The following NEK10 variants were observed in gnomAD, a reference collection of about 807,000 sequenced individuals.
NEK10 encodes NIMA related kinase 10, also known as serine/threonine-protein kinase Nek10.
In NEK10, 122 loss-of-function variants were observed where a neutral mutation model predicts 159.8. The observed-to-expected ratio is 0.76, with a 90% CI of 0.66 to 0.89. NEK10 has a LOEUF of 0.89. NEK10 is among the 40% of genes least tolerant of loss of function. The pLI is 0.00. For synonymous variants in NEK10, 466 were observed against 457.1 expected, an observed-to-expected ratio of 1.02 and a Z score of -0.25; for missense variants, 1,342 against 1,323.1, an observed-to-expected ratio of 1.01 and a Z score of -0.22.
intron 23 of NEK10, among the ~76,000 whole-genome samples, chr3:27,204,301 G>GTTTTTT (rs567092116): frequency 5.9e-4 from 39 of 66,296 alleles, no homozygotes; most frequent in East Asian, 1.8e-3. Flanking sequence ...TTTTGTTGTT[G>GTTTTTT]TTTTTTTTTT....
chr3:27,349,007 CT>C (rs1253489716), intron 3 of NEK10, among the ~76,000 whole-genome samples: 1 of 152,098 alleles, frequency 6.6e-6, no homozygotes, highest in African/African-American at 2.4e-5. Context: ...GCTTGAGACA[CT>C]GTATATATAC....
chr3:27,245,651 T>C (rs2149276231), intron 23 of NEK10, among the ~76,000 whole-genome samples: 1 of 152,314 alleles, frequency 6.6e-6, no homozygotes, highest in African/African-American at 2.4e-5. Context: ...AGCAAACCTA[T>C]ATAAACCATC....
chr3:27,367,165 G>A (rs144402632), intron 1 of NEK10, among the ~76,000 whole-genome samples: 117 of 152,194 alleles, frequency 7.7e-4, no homozygotes, highest in African/African-American at 2.7e-3. Context: ...CTATACCTTT[G>A]GTATGAATTA....
Position 27,109,446 on chromosome 3 carries a change from C to T in NEK10, c.*1826G>A, listed in dbSNP as rs892906234. On this transcript the variant is annotated 3_prime_UTR_variant, in exon 36 of 36. Coordinates refer to ENST00000691995, the MANE Select transcript of NEK10 (RefSeq NM_001394966.1). ...CTCACTTTCTGGTCAATAAGGCCAACTATATACACTTTAAAACATCTTCAA... is the reference window on the plus strand; with the variant it reads ...CTCACTTTCTGGTCAATAAGGCCAATTATATACACTTTAAAACATCTTCAA... Among the ~76,000 whole-genome samples, 1 of 149,442 alleles carries T rather than the reference C, an allele frequency of 6.7e-6. No homozygotes were observed. The highest frequency in any genetic ancestry group is 2.4e-5 in the African/African-American group (1 of 40,898).
intron 23 of NEK10, among the ~76,000 whole-genome samples, chr3:27,211,560 G>A (rs1453449433): frequency 1.3e-5 from 2 of 152,140 alleles, no homozygotes; most frequent in Non-Finnish European, 1.5e-5. Context: ...ATTAGGTCCA[G>A]TTTGGTAAAA....
chr3:27,261,318 A>T (rs1382381241), intron 22 of NEK10, among the ~76,000 whole-genome samples: 1 of 151,978 alleles, frequency 6.6e-6, no homozygotes, highest in African/African-American at 2.4e-5. Context: ...TGATGTTAGG[A>T]TGTCAATTTT....
chr3:27,276,183 A>C (rs144263217), intron 22 of NEK10, among the ~76,000 whole-genome samples: 1 of 152,132 alleles, frequency 6.6e-6, no homozygotes, highest in East Asian at 1.9e-4. Context: ...TAAAAATATT[A>C]AGTGCTATCA....
chr3:27,193,147 T>C (rs1041520337), intron 25 of NEK10, among the ~76,000 whole-genome samples: 4 of 152,240 alleles, frequency 2.6e-5, no homozygotes, highest in African/African-American at 9.6e-5. Context: ...CACACTTTTA[T>C]GTATCCTCCA....
chr3:27,219,653 C>T (rs1345962513), intron 23 of NEK10, among the ~76,000 whole-genome samples: 3 of 152,180 alleles, frequency 2.0e-5, no homozygotes, highest in Non-Finnish European at 4.4e-5. Flanking sequence ...CCTAACACTT[C>T]TTCAGATCAG....
intron 15 of NEK10, among the ~76,000 whole-genome samples, chr3:27,294,673 A>G (rs2043225435): frequency 1.3e-5 from 2 of 152,126 alleles, no homozygotes; most frequent in South Asian, 4.2e-4. Flanking sequence ...AGACACCCCG[A>G]AAGAGTCTGC....
At chr3:27,310,696 A>C (rs1290918341) in intron 9 of NEK10, 3 of 355,406 alleles carry the variant, frequency 8.4e-6, no homozygotes, top group Non-Finnish European at 1.5e-5. Flanking sequence ...TTAAGTAATA[A>C]ACCTAGTTGG....
chr3:27,352,480 T>G lies in NEK10; in HGVS notation c.117A>C (p.Gln39His). The change falls in exon 3 of 36, where the codon CAA becomes CAC. Residue 39 changes from glutamine to histidine, a missense_variant. Coordinates refer to ENST00000691995, the MANE Select transcript of NEK10 (RefSeq NM_001394966.1). ...LKRLRCLLNV[Q>H]SSKQQLPAIN... ...AAAACGCTACCTGTTGTTTGCTTGA[T>G]TGGACGTTCAAAAGGCACCGAAGTC... 6.2e-7 allele frequency: 1 copy of G among 1,611,208 alleles called. No individual in the cohort carries two copies. Among genetic ancestry groups the G allele is most frequent in the Non-Finnish European group, 8.5e-7 (1 of 1,177,492 alleles).
chr3:27,150,758 C>A (rs567939283), intron 30 of NEK10, among the ~76,000 whole-genome samples: 85 of 152,202 alleles, frequency 5.6e-4, no homozygotes, highest in Non-Finnish European at 7.4e-4. Flanking sequence ...TTCAGAAATC[C>A]GTTTCATAAG....
chr3:27,190,627 T>C (rs550732405), intron 26 of NEK10, among the ~76,000 whole-genome samples: 1 of 152,160 alleles, frequency 6.6e-6, no homozygotes, highest in African/African-American at 2.4e-5. Flanking sequence ...GCCACATGAA[T>C]CTAATATGAA....
chr3:27,329,141 A>C (rs1454329296), intron 5 of NEK10, among the ~76,000 whole-genome samples: 1 of 152,088 alleles, frequency 6.6e-6, no homozygotes, highest in Non-Finnish European at 1.5e-5. Context: ...CATGGTTTTA[A>C]AAATGGGAGT....
At position 27,352,893 on chromosome 3, in the gene NEK10, C is replaced by G. The variant is rs763274159; in HGVS notation, c.-11G>C. ...ATCTTGATCAGGCATTGTAAAACAT[C>G]AATGCCCCAGAATTAACATCGCATT... On this transcript the variant is annotated 5_prime_UTR_variant, in exon 2 of 36. It removes the in-frame stop codon of an upstream open reading frame in the 5' UTR. Transcript: ENST00000691995. 6.3e-7 allele frequency: 1 copy of G among 1,592,442 alleles called. No homozygotes were observed. Among genetic ancestry groups the G allele is most frequent in the South Asian group, 1.1e-5 (1 of 90,246 alleles).
intron 30 of NEK10, among the ~76,000 whole-genome samples, chr3:27,154,570 C>T (rs1362692751): frequency 6.6e-6 from 1 of 152,076 alleles, no homozygotes; most frequent in Non-Finnish European, 1.5e-5. Context: ...CTAACAAAAT[C>T]CAACAATATA....
At chr3:27,322,080 CA>C (rs2149661586) in intron 6 of NEK10, 96 bp downstream of exon 6, 2 of 646,398 alleles carry the variant, frequency 3.1e-6, no homozygotes, top group Middle Eastern at 3.7e-4. Flanking sequence ...AGAGAGAAAA[CA>C]AAAAGTAAAC....
intron 30 of NEK10, among the ~76,000 whole-genome samples, chr3:27,152,607 A>C (rs569408412): frequency 6.6e-6 from 1 of 152,274 alleles, no homozygotes; most frequent in South Asian, 2.1e-4. Flanking sequence ...AAAAACAAAA[A>C]AAAAACAAAA....
Sources: allele counts gnomAD v4.1 joint callset (sites outside exome capture counted in the v4.1 genomes callset), GRCh38; gene constraint gnomAD v4.1.1; transcripts MANE v1.5; gene names NCBI Gene and HGNC (gene_info 2026-07-23, HGNC 2026-07-21).